The following CTNNA3 variants were observed in gnomAD, a reference collection of about 807,000 sequenced individuals.
CTNNA3 encodes the protein catenin alpha 3, also known as catenin alpha-3.
Under a neutral mutation model 95.7 loss-of-function variants are expected in CTNNA3, and 76 were observed. That is an observed-to-expected ratio of 0.79 (90% confidence interval 0.66 to 0.96). The LOEUF is 0.96. Ranked by LOEUF, CTNNA3 falls within the 40% of genes least tolerant of loss-of-function variation. The probability of loss-of-function intolerance (pLI) is 0.00; values close to 1 mark genes in which losing one functional copy is unlikely to be tolerated. For missense variants in CTNNA3, 1,191 were observed against 1,089.8 expected, an observed-to-expected ratio of 1.09 and a Z score of -1.31; for synonymous variants, 431 against 374.4, an observed-to-expected ratio of 1.15 and a Z score of -1.74.
At chr10:66,231,091 G>A (rs2132010053) in intron 13 of CTNNA3, among the ~76,000 whole-genome samples, 1 of 152,208 alleles carries the variant, frequency 6.6e-6, no homozygotes, top group East Asian at 1.9e-4. Flanking sequence ...TTTTCTTTCT[G>A]GGACAATGCA....
At chr10:67,483,776 T>TAAAAAAAAAAAAAAAAAAAAAAAAAAATA (rs71468814) in intron 5 of CTNNA3, among the ~76,000 whole-genome samples, 1 of 110,850 alleles carries the variant, frequency 9.0e-6, no homozygotes, top group Non-Finnish European at 2.0e-5. Context: ...AAATAAAAAT[T>TAAAAAAAAAAAAAAAAAAAAAAAAAAATA]AAAAAAAAAA....
At chr10:66,596,875 A>T (rs959869281) in intron 10 of CTNNA3, among the ~76,000 whole-genome samples, 1 of 152,272 alleles carries the variant, frequency 6.6e-6, no homozygotes. Context: ...AGAATTCAAA[A>T]TAATTGTTTT....
Position 67,570,240 on chromosome 10 carries a change from C to T in CTNNA3, c.293-30571G>A, listed in dbSNP as rs559141286. On this transcript the variant is annotated intron_variant, in intron 3 of 17. Coordinates refer to ENST00000433211, the MANE Select transcript of CTNNA3 (RefSeq NM_013266.4). ...AAATTCTTCTATTACTTCCCCACAT[C>T]GTCTTTCTCTTTCCTCATTGACTTC... Among the ~76,000 whole-genome samples, 22 of 152,106 alleles carry T rather than the reference C, an allele frequency of 1.4e-4. No homozygotes were observed. The East Asian group carries it at 3.9e-3, about 27-fold the overall frequency.
chr10:67,257,560 T>C (rs9299485), intron 5 of CTNNA3, among the ~76,000 whole-genome samples: 40,536 of 152,064 alleles, frequency 0.27, 9,754 homozygotes, highest in African/African-American at 0.64. Context: ...ATGTTCTACT[T>C]AGTGAGATTT....
At chr10:66,958,381 T>C (rs545839754) in intron 7 of CTNNA3, among the ~76,000 whole-genome samples, 1 of 148,978 alleles carries the variant, frequency 6.7e-6, no homozygotes, top group African/African-American at 2.5e-5. Flanking sequence ...AAGCTATTAA[T>C]AGAAAGCAGA....
At chr10:66,449,212 G>A (rs983637077) in intron 11 of CTNNA3, among the ~76,000 whole-genome samples, 1 of 152,110 alleles carries the variant, frequency 6.6e-6, no homozygotes, top group African/African-American at 2.4e-5. Flanking sequence ...AAAGGTGCTG[G>A]GGGGACATTC....
chr10:66,514,333 A>G (rs1448291711), intron 11 of CTNNA3, among the ~76,000 whole-genome samples: 1 of 152,176 alleles, frequency 6.6e-6, no homozygotes, highest in Non-Finnish European at 1.5e-5. Flanking sequence ...ACAGCAACTT[A>G]GGGAAAAGAA....
At chr10:66,305,746 C>A (rs1352720240) in intron 12 of CTNNA3, among the ~76,000 whole-genome samples, 1 of 152,110 alleles carries the variant, frequency 6.6e-6, no homozygotes, top group Non-Finnish European at 1.5e-5. Context: ...GATACTGATG[C>A]TACAGATTCA....
intron 1 of CTNNA3, among the ~76,000 whole-genome samples, chr10:67,693,171 A>C (rs1448022866): frequency 6.6e-6 from 1 of 152,214 alleles, no homozygotes; most frequent in Non-Finnish European, 1.5e-5. Flanking sequence ...TAATGTGGTT[A>C]AAAACAGTAT....
intron 13 of CTNNA3, among the ~76,000 whole-genome samples, chr10:66,143,057 T>C (rs1428243021): frequency 1.3e-5 from 2 of 152,072 alleles, no homozygotes; most frequent in Non-Finnish European, 2.9e-5. Context: ...ATGTATTTTA[T>C]TGGAAAAATA....
intron 13 of CTNNA3, among the ~76,000 whole-genome samples, chr10:66,255,890 G>T (rs2090751015): frequency 1.3e-5 from 2 of 152,150 alleles, no homozygotes; most frequent in Non-Finnish European, 2.9e-5. Flanking sequence ...TATTTCCTTT[G>T]TTTTAACGTG....
intron 12 of CTNNA3, among the ~76,000 whole-genome samples, chr10:66,286,297 T>C (rs187165999): frequency 1.2e-3 from 175 of 152,138 alleles, no homozygotes; most frequent in Non-Finnish European, 1.9e-3. Context: ...TTCTGCAGAG[T>C]ATATTCTCTT....
intron 5 of CTNNA3, among the ~76,000 whole-genome samples, chr10:67,372,822 C>G (rs1843531063): frequency 6.6e-6 from 1 of 152,158 alleles, no homozygotes; most frequent in African/African-American, 2.4e-5. Flanking sequence ...GGCCAATATT[C>G]AACATTCTTA....
chr10:66,580,401 T>C (rs1843146356), intron 10 of CTNNA3, among the ~76,000 whole-genome samples: 1 of 151,784 alleles, frequency 6.6e-6, no homozygotes, highest in Non-Finnish European at 1.5e-5. Context: ...CTCAAACATT[T>C]ATCATTTCTT....
At chr10:66,651,812 C>CAG (rs1429852566) in intron 9 of CTNNA3, among the ~76,000 whole-genome samples, 4 of 152,048 alleles carry the variant, frequency 2.6e-5, no homozygotes, top group African/African-American at 4.8e-5. Context: ...CCGGTTCCCA[C>CAG]CCGCGCCTCT....
intron 14 of CTNNA3, among the ~76,000 whole-genome samples, chr10:66,077,459 T>C (rs1320834422): frequency 2.0e-5 from 3 of 151,838 alleles, no homozygotes; most frequent in South Asian, 2.1e-4. Flanking sequence ...TTTCGGACTT[T>C]CCTGAAAGTC....
chr10:67,668,703 A>G (rs1840373901), intron 1 of CTNNA3, among the ~76,000 whole-genome samples: 1 of 152,138 alleles, frequency 6.6e-6, no homozygotes, highest in Non-Finnish European at 1.5e-5. Context: ...GCTACTCAGA[A>G]TGGCACACAC....
chr10:66,444,893 G>A (rs915835645), intron 11 of CTNNA3, among the ~76,000 whole-genome samples: 5 of 152,092 alleles, frequency 3.3e-5, no homozygotes, highest in Admixed American at 6.6e-5. Context: ...TGGATAAAGA[G>A]TCAAGACCCA....
chr10:67,415,745 T>A (rs1368879277), intron 5 of CTNNA3, among the ~76,000 whole-genome samples: 3 of 152,078 alleles, frequency 2.0e-5, no homozygotes, highest in Admixed American at 2.0e-4. Context: ...AACATGAAAC[T>A]GTACTACAAG....
Sources: allele counts gnomAD v4.1 joint callset (sites outside exome capture counted in the v4.1 genomes callset), GRCh38; gene constraint gnomAD v4.1.1; transcripts MANE v1.5; gene names NCBI Gene and HGNC (gene_info 2026-07-23, HGNC 2026-07-21).